FUT8: variants seen among roughly 807,000 people sequenced by gnomAD.
FUT8 encodes fucosyltransferase 8, also known as alpha-(1,6)-fucosyltransferase.
In FUT8, 29 loss-of-function variants were observed where a neutral mutation model predicts 71.3. That is an observed-to-expected ratio of 0.41 (90% CI 0.30 to 0.55). FUT8 has a LOEUF of 0.55. FUT8 is among the 20% of genes least tolerant of loss of function. The pLI, the probability that FUT8 is intolerant of heterozygous loss-of-function variation, is 0.34. For missense variants in FUT8, 544 were observed against 702.1 expected (o/e 0.77, Z 2.55); for synonymous variants, 254 against 239.3 (o/e 1.06, Z -0.57).
At chr14:65,709,602 A>G (rs1894718729) in intron 7 of FUT8, among the ~76,000 whole-genome samples, 1 of 152,214 alleles carries the variant, frequency 6.6e-6, no homozygotes, top group African/African-American at 2.4e-5. Context: ...GAGTTTCCAC[A>G]TGAGAGTCAC....
At chr14:65,505,107 A>G (rs2066706964) in intron 2 of FUT8, among the ~76,000 whole-genome samples, 1 of 152,096 alleles carries the variant, frequency 6.6e-6, no homozygotes, top group Non-Finnish European at 1.5e-5. Context: ...TCTGTGCCCC[A>G]TGTACTAAGC....
At chr14:65,613,931 A>G (rs555310294) in intron 3 of FUT8, among the ~76,000 whole-genome samples, 119 of 152,066 alleles carry the variant, frequency 7.8e-4, no homozygotes, top group African/African-American at 2.4e-3. Context: ...GGCCAACCCA[A>G]TGAAACCCCG....
chr14:65,533,717 C>T (rs1594746747), intron 2 of FUT8, among the ~76,000 whole-genome samples: 1 of 151,834 alleles, frequency 6.6e-6, no homozygotes, highest in Non-Finnish European at 1.5e-5. Context: ...TTGTCTTGTG[C>T]CAGTGTTCAG....
At chr14:65,436,388 T>C (rs1332992409) in intron 1 of FUT8, among the ~76,000 whole-genome samples, 4 of 152,124 alleles carry the variant, frequency 2.6e-5, no homozygotes, top group Admixed American at 6.6e-5. Flanking sequence ...CCCAGCACTT[T>C]GGGAGGCTGA....
At chr14:65,494,790 A>AT (rs1369862435) in intron 2 of FUT8, among the ~76,000 whole-genome samples, 9 of 152,126 alleles carry the variant, frequency 5.9e-5, no homozygotes, top group Non-Finnish European at 1.2e-4. Context: ...AAGAAAAAAA[A>AT]GTAAGGTTCT....
rs769250336 is a variant in FUT8, at chr14:65,742,357, C to T, written c.1675C>T (p.Arg559Ter). The change falls in exon 11 of 11, where the codon CGA becomes TGA. Residue 559 changes from arginine to a stop codon, truncating the protein, a stop_gained. Coordinates refer to ENST00000673929, the MANE Select transcript of FUT8 (RefSeq NM_001371533.1). LOFTEE classifies it high-confidence loss of function. ...RTGLYPSYKV[R>*]EKIETVKYPT... ...GGGCCTATATCCCTCCTACAAAGTTCGAGAGAAGATAGAAACGGTCAAGTA... is the reference window on the plus strand; with the variant it reads ...GGGCCTATATCCCTCCTACAAAGTTTGAGAGAAGATAGAAACGGTCAAGTA... 1.4e-5 allele frequency: 23 copies of T among 1,612,638 alleles called. No homozygotes were observed. The highest frequency in any genetic ancestry group is 2.0e-5 in the Non-Finnish European group (23 of 1,179,168).
chr14:65,716,826 G>C (rs1211857441), intron 7 of FUT8, among the ~76,000 whole-genome samples: 1 of 151,762 alleles, frequency 6.6e-6, no homozygotes. Flanking sequence ...CGGCCGGGCA[G>C]AGGCGCTCCT....
At chr14:65,659,859 A>T (rs747804030) in intron 6 of FUT8, among the ~76,000 whole-genome samples, 4 of 152,168 alleles carry the variant, frequency 2.6e-5, no homozygotes, top group Non-Finnish European at 5.9e-5. Context: ...GTCAACTAAA[A>T]TGATGACGGA....
intron 6 of FUT8, among the ~76,000 whole-genome samples, chr14:65,639,206 T>A (rs1162253913): frequency 6.6e-6 from 1 of 152,146 alleles, no homozygotes; most frequent in East Asian, 1.9e-4. Context: ...ATACTGGAAG[T>A]TGACTAAGGA....
At chr14:65,587,188 C>CA (rs552458003) in intron 3 of FUT8, among the ~76,000 whole-genome samples, 1,242 of 62,392 alleles carry the variant, frequency 0.02, 18 homozygotes, top group South Asian at 0.087. Context: ...GACTCTGTCT[C>CA]AAAAAAAAAA....
chr14:65,383,265 C>CTTTTTTTTCTTTTTTTTT, the FUT8 span, among the ~76,000 whole-genome samples: 10 of 86,514 alleles, frequency 1.2e-4, no homozygotes, highest in South Asian at 9.1e-4. Flanking sequence ...TTTTTCTTTT[C>CTTTTTTTTCTTTTTTTTT]TTTTTTTTTT....
At chr14:65,713,587 T>A (rs1286292836) in intron 7 of FUT8, among the ~76,000 whole-genome samples, 1 of 152,164 alleles carries the variant, frequency 6.6e-6, no homozygotes. Context: ...TTTTGACATT[T>A]TTTCTGGGGT....
At chr14:65,667,497 C>G (rs1318253063) in intron 6 of FUT8, among the ~76,000 whole-genome samples, 1 of 152,034 alleles carries the variant, frequency 6.6e-6, no homozygotes, top group Non-Finnish European at 1.5e-5. Context: ...AGGGGAATTA[C>G]AAAACACTGC....
rs1025340281 is a variant in FUT8, at chr14:65,654,755, G to A, written c.598-14488G>A. 2.0e-5 allele frequency among the ~76,000 whole-genome samples: 3 copies of A among 151,810 alleles called. No homozygotes were observed. The South Asian group carries it at 6.2e-4, about 32-fold the overall frequency. Reference sequence around the variant, plus strand: ...ACAAGGAGAAATGGGAACAACAAAAGGAGCAAATAAAAAACAATAAAGTGG... The same window carrying A: ...ACAAGGAGAAATGGGAACAACAAAAAGAGCAAATAAAAAACAATAAAGTGG... On this transcript the variant is annotated intron_variant, in intron 6 of 10. Transcript: ENST00000673929.
intron 3 of FUT8, among the ~76,000 whole-genome samples, chr14:65,606,075 T>C (rs1314600280): frequency 4.4e-5 from 1 of 22,882 alleles, no homozygotes; most frequent in African/African-American, 1.9e-4. Context: ...AATTGTTAGT[T>C]TTTTTTTTTT....
chr14:65,417,310 G>A (rs1386899873), intron 1 of FUT8, among the ~76,000 whole-genome samples: 1 of 80,540 alleles, frequency 1.2e-5, no homozygotes, highest in Non-Finnish European at 2.6e-5. Flanking sequence ...TAATCTCCTG[G>A]CATTTTTTTC....
chr14:65,606,354 G>A (rs185158174), intron 3 of FUT8, among the ~76,000 whole-genome samples: 3 of 151,694 alleles, frequency 2.0e-5, no homozygotes, highest in Admixed American at 2.0e-4. Context: ...TGGGATTACA[G>A]GCATAAGCCA....
chr14:65,360,744 T>C, the FUT8 span, among the ~76,000 whole-genome samples: 5 of 152,334 alleles, frequency 3.3e-5, no homozygotes, highest in African/African-American at 1.2e-4. Context: ...TCAAATGCTA[T>C]GATGGGCTGA....
chr14:65,361,361 A>G, the FUT8 span, among the ~76,000 whole-genome samples: 1 of 151,162 alleles, frequency 6.6e-6, no homozygotes, highest in African/African-American at 2.5e-5. Context: ...TGTCTCAAAA[A>G]AAAAAAAAAA....
Sources: gnomAD v4.1 joint callset for allele counts (sites outside exome capture counted in the v4.1 genomes callset) on GRCh38, gnomAD v4.1.1 for gene constraint, MANE v1.5 for transcripts, NCBI Gene and HGNC (gene_info 2026-07-23, HGNC 2026-07-21) for gene names.